Variants in NAALAD2 observed in about 807,000 individuals in gnomAD.
The protein encoded by NAALAD2 is N-acetylated alpha-linked acidic dipeptidase 2.
In NAALAD2, 89 loss-of-function variants were observed where a neutral mutation model predicts 95.6. That is an observed-to-expected ratio of 0.93 (90% CI 0.78 to 1.11). The LOEUF (loss-of-function observed/expected upper bound fraction) is 1.11, where lower values mean the gene tolerates loss of function less well. Among genes scored for constraint, NAALAD2 ranks in the 50% least tolerant of loss-of-function variants. The pLI is 0.00. For missense variants in NAALAD2, 894 were observed against 872.4 expected, an observed-to-expected ratio of 1.02 and a Z score of -0.31; for synonymous variants, 264 against 294.4, an observed-to-expected ratio of 0.90 and a Z score of 1.06.
Position 90,191,633 on chromosome 11 carries a change from T to A in NAALAD2, c.2109T>A (p.Phe703Leu), listed in dbSNP as rs759259286. 2.5e-6 allele frequency: 4 copies of A among 1,607,808 alleles called. No homozygotes were observed. Among genetic ancestry groups the A allele is most frequent in the Non-Finnish European group, 3.4e-6 (4 of 1,177,078 alleles). ...ESFPGIYDAI[F>L]DIENKANSRL... ...TTCCTGGAATCTATGATGCTATCTT[T>A]GATATTGAAAATAAAGCCAACTCTC... The change falls in exon 19 of 19, where the codon TTT (phenylalanine) becomes TTA (leucine). Residue 703 changes from phenylalanine (F) to leucine (L), a missense_variant. Physicochemically the swap from Phe to Leu is conservative, Grantham distance 22. Transcript: ENST00000534061.
chr11:90,191,497 A>G lies in NAALAD2; in HGVS notation c.2034-61A>G. ...AAGGAAACATCATGTGGTCTAAACAAAAAGCATGCAAAATGCATGTATACA... is the reference window on the plus strand; with the variant it reads ...AAGGAAACATCATGTGGTCTAAACAGAAAGCATGCAAAATGCATGTATACA... On this transcript the variant is annotated intron_variant, in intron 18 of 18. Coordinates refer to ENST00000534061, the MANE Select transcript of NAALAD2 (RefSeq NM_005467.4). The G allele has an allele frequency of 3.9e-6, 5 of 1,282,166 alleles. No homozygotes were observed. In the South Asian group the frequency reaches 7.9e-5, roughly 20 times the overall value. 79.4% of individuals were successfully genotyped at this position (1,282,166 alleles called of 1,614,324 possible).
At chr11:90,150,248 G>A (rs866810712) in intron 4 of NAALAD2, among the ~76,000 whole-genome samples, 8 of 151,680 alleles carry the variant, frequency 5.3e-5, no homozygotes, top group Admixed American at 1.3e-4. Flanking sequence ...GTGAAATTCC[G>A]TCTCAAAAAT....
chr11:90,152,461 T>G lies in NAALAD2; in HGVS notation c.773T>G (p.Leu258Arg). 1 of 1,612,974 alleles carries G rather than the reference T, an allele frequency of 6.2e-7. No individual in the cohort carries two copies. Among genetic ancestry groups the G allele is most frequent in the South Asian group, 1.1e-5 (1 of 90,968 alleles). Residue 258 changes from leucine to arginine, a missense_variant, in exon 6 of 19, where the codon CTC (leucine) becomes CGC (arginine). Coordinates refer to ENST00000534061, the MANE Select transcript of NAALAD2 (RefSeq NM_005467.4). ...VLNLNGAGDP[L>R]TPGYPAKEYT... is the part of the protein sequence containing the mutation. ...AATTTGAATGGTGCTGGTGACCCAC[T>G]CACTCCAGGCTATCCAGCAAAAGGT...
intron 18 of NAALAD2, among the ~76,000 whole-genome samples, chr11:90,189,324 G>A (rs1334145751): frequency 2.0e-5 from 3 of 152,164 alleles, no homozygotes; most frequent in Non-Finnish European, 4.4e-5. Context: ...AAGCCACTAA[G>A]TTGGTGGTAA....
At position 90,166,188 on chromosome 11, in the gene NAALAD2, A is replaced by C. The variant is rs180973261; in HGVS notation, c.1278+2571A>C. Reference sequence around the variant, plus strand: ...CAGCTTTAAATGTTTTTACTATAACATATTTTAGAAAGCTAACAAGCTAGA... The same window carrying C: ...CAGCTTTAAATGTTTTTACTATAACCTATTTTAGAAAGCTAACAAGCTAGA... On this transcript the variant is annotated intron_variant, in intron 11 of 18. Transcript: ENST00000534061. Among the ~76,000 whole-genome samples the C allele has an allele frequency of 1.7e-3, 253 of 152,318 alleles. 2 individuals carry two copies. Among genetic ancestry groups the C allele is most frequent in the Non-Finnish European group, 1.5e-3 (100 of 68,040 alleles).
At chr11:90,175,513 T>A (rs187266627) in intron 14 of NAALAD2, among the ~76,000 whole-genome samples, 6 of 152,320 alleles carry the variant, frequency 3.9e-5, no homozygotes, top group African/African-American at 1.2e-4. Flanking sequence ...GATTTATTTC[T>A]AAAATGAGGC....
At chr11:90,179,737 C>G (rs1012768734) in intron 16 of NAALAD2, among the ~76,000 whole-genome samples, 1 of 151,788 alleles carries the variant, frequency 6.6e-6, no homozygotes, top group African/African-American at 2.4e-5. Context: ...GATCTTTTAT[C>G]AGTTTTTATA....
intron 8 of NAALAD2, among the ~76,000 whole-genome samples, chr11:90,160,374 T>C (rs955759450): frequency 2.6e-5 from 4 of 152,156 alleles, no homozygotes; most frequent in African/African-American, 9.7e-5. Context: ...TCAGAGTGCA[T>C]ATAGCTGTTT....
intron 8 of NAALAD2, among the ~76,000 whole-genome samples, chr11:90,161,125 T>C (rs932543500): frequency 5.3e-5 from 8 of 152,154 alleles, no homozygotes; most frequent in African/African-American, 1.9e-4. Context: ...AATTTACATA[T>C]GAGAGCCAAA....
At chr11:90,162,278 G>T in intron 8 of NAALAD2, among the ~76,000 whole-genome samples, 1 of 152,066 alleles carries the variant, frequency 6.6e-6, no homozygotes, top group Non-Finnish European at 1.5e-5. Flanking sequence ...TCGGTTGATT[G>T]TAACTCATGA....
intron 16 of NAALAD2, 110 bp downstream of exon 16, chr11:90,178,227 T>C (rs745719566): frequency 6.3e-6 from 8 of 1,273,796 alleles, no homozygotes; most frequent in Non-Finnish European, 8.6e-6. Flanking sequence ...ATATTTGCCT[T>C]ACTTATTTTG....
At chr11:90,162,088 TAAAAA>T (rs923493021) in intron 8 of NAALAD2, among the ~76,000 whole-genome samples, 5 of 152,106 alleles carry the variant, frequency 3.3e-5, no homozygotes, top group Admixed American at 1.3e-4. Context: ...ATTCTTCCAT[TAAAAA>T]ACGATCACAA....
intron 11 of NAALAD2, among the ~76,000 whole-genome samples, chr11:90,168,279 C>T (rs1489939178): frequency 6.6e-6 from 1 of 152,174 alleles, no homozygotes; most frequent in South Asian, 2.1e-4. Flanking sequence ...ACTCCGGACA[C>T]GCCGCCTTTA....
At chr11:90,176,435 G>C (rs1009525270) in intron 15 of NAALAD2, among the ~76,000 whole-genome samples, 8 of 152,222 alleles carry the variant, frequency 5.3e-5, no homozygotes, top group African/African-American at 1.9e-4. Context: ...AACATATTTT[G>C]GTCAAGAGGA....
At chr11:90,146,343 A>ATTTTTTTTTTTTTTTTTT (rs71477596) in intron 2 of NAALAD2, among the ~76,000 whole-genome samples, 4 of 47,956 alleles carry the variant, frequency 8.3e-5, no homozygotes, top group Admixed American at 3.4e-4. Context: ...GGGGAGTTTA[A>ATTTTTTTTTTTTTTTTTT]TTTTTTTTTT....
chr11:90,136,557 C>T (rs1409098680), intron 2 of NAALAD2, among the ~76,000 whole-genome samples: 1 of 152,070 alleles, frequency 6.6e-6, no homozygotes, highest in Non-Finnish European at 1.5e-5. Flanking sequence ...TCTTTTGTAT[C>T]TAGCTTCTTT....
chr11:90,134,860 T>A lies in NAALAD2; in HGVS notation c.82+20T>A. 1.2e-6 allele frequency: 2 copies of A among 1,611,876 alleles called. No homozygotes were observed. Among genetic ancestry groups the A allele is most frequent in the Non-Finnish European group, 1.7e-6 (2 of 1,178,022 alleles). On this transcript the variant is annotated intron_variant, in intron 1 of 18. Coordinates refer to ENST00000534061, the MANE Select transcript of NAALAD2 (RefSeq NM_005467.4). ...TGGTGGGTAAGTGAACAAAACACTC[T>A]ACCCCGACTCCGGGGCTCGTGATTC...
Position 90,181,715 on chromosome 11 carries a change from C to T in NAALAD2, c.1940+14C>T, listed in dbSNP as rs74492781. 6.9e-7 allele frequency: 1 copy of T among 1,442,660 alleles called. No homozygotes were observed. The highest frequency in any genetic ancestry group is 9.3e-7 in the Non-Finnish European group (1 of 1,074,022). The allele number at this position is 1,442,660 out of a possible 1,614,324, so 89.4% of individuals were successfully genotyped here. ...TGATCTTAACAAGTAAGTTTCAAAT[C>T]CCTTTTTTTTTAAAAAAAAAAAAAA... On this transcript the variant is annotated intron_variant, in intron 17 of 18. Coordinates refer to ENST00000534061, the MANE Select transcript of NAALAD2 (RefSeq NM_005467.4).
In NAALAD2 at chr11:90,177,976, C is replaced by G; in HGVS notation, c.1717C>G (p.Leu573Val). Reference protein sequence around the residue: ...QLSVAQLRGALVYELVDSKII... With the variant: ...QLSVAQLRGAVVYELVDSKII... Reference sequence around the variant, plus strand: ...TTCTGTGGCTCAATTACGAGGAGCACTGGTATATGAGCTTGTGGATTCTAA... The same window carrying G: ...TTCTGTGGCTCAATTACGAGGAGCAGTGGTATATGAGCTTGTGGATTCTAA... The change falls in exon 16 of 19, where the codon CTG becomes GTG. Residue 573 changes from leucine (L) to valine (V), a missense_variant. By Grantham distance (32) the Leu-to-Val change is conservative. Transcript: ENST00000534061. 1 of 1,613,794 alleles carries G rather than the reference C, an allele frequency of 6.2e-7. No homozygotes were observed. Among genetic ancestry groups the G allele is most frequent in the Non-Finnish European group, 8.5e-7 (1 of 1,179,952 alleles).
Sources: allele counts gnomAD v4.1 joint callset (sites outside exome capture counted in the v4.1 genomes callset), GRCh38; gene constraint gnomAD v4.1.1; transcripts MANE v1.5; gene names NCBI Gene and HGNC (gene_info 2026-07-23, HGNC 2026-07-21).